Variants in MUC12 observed in about 807,000 individuals in gnomAD.
MUC12 encodes the protein mucin-12.
In MUC12, 172 loss-of-function variants were observed where a neutral mutation model predicts 230.8. The ratio of observed to expected loss-of-function variants is 0.75; its 90% CI spans 0.66 to 0.85. The LOEUF (loss-of-function observed/expected upper bound fraction) is 0.85. Ranked by LOEUF, MUC12 falls within the 40% of genes least tolerant of loss-of-function variation. The pLI, the probability that MUC12 is intolerant of heterozygous loss-of-function variation, is 0.00. For missense variants in MUC12, 3,506 were observed against 5,920.6 expected, an observed-to-expected ratio of 0.59 and a Z score of 13.38; for synonymous variants, 1,259 against 2,401.9, an observed-to-expected ratio of 0.52 and a Z score of 13.91.
intron 10 of MUC12, 86 bp from the exon 11 acceptor site, chr7:101,017,489 C>G (rs1793950097): frequency 1.2e-6 from 1 of 850,724 alleles, no homozygotes; most frequent in African/African-American, 1.7e-5. Context: ...CGGGCTGACT[C>G]TTCCTTTTGC....
At chr7:100,987,097 C>T (rs11772812) in intron 1 of MUC12, among the ~76,000 whole-genome samples, 66,305 of 132,476 alleles carry the variant, frequency 0.5, 16,198 homozygotes, top group East Asian at 0.63. Context: ...GACAGAGTCT[C>T]GCTCTGTCAC....
At chr7:101,007,859 A>G (rs1584845376) in intron 3 of MUC12, among the ~76,000 whole-genome samples, 1 of 149,746 alleles carries the variant, frequency 6.7e-6, no homozygotes, top group East Asian at 2.0e-4. Flanking sequence ...GTGCAGTGGC[A>G]TGATCTCGGC....
At chr7:100,979,325 G>A (rs1793071786) in intron 1 of MUC12, among the ~76,000 whole-genome samples, 1 of 152,062 alleles carries the variant, frequency 6.6e-6, no homozygotes, top group African/African-American at 2.4e-5. Context: ...GGCAATTTTT[G>A]TTAAGCATTT....
At position 100,991,315 on chromosome 7, in the gene MUC12, C is replaced by A. The variant is rs1793293138; in HGVS notation, c.752C>A (p.Pro251His). The change falls in exon 2 of 12, where the codon CCC (proline) becomes CAC (histidine). Residue 251 changes from proline to histidine, a missense_variant. Pro to His is a moderately conservative substitution (Grantham distance 77). Transcript: ENST00000536621. ...TCAGGCCTCCTTGAAGCATCTACGC[C>A]CGTCCACAGCAGCACTGGATCGCCA... ...TTSGLLEASTPVHSSTGSPHT... is the reference protein window; with the variant it reads ...TTSGLLEASTHVHSSTGSPHT... 8 of 1,537,828 alleles carry A rather than the reference C, an allele frequency of 5.2e-6. No individual in the cohort carries two copies. The East Asian group carries it at 2.0e-4, about 38-fold the overall frequency.
chr7:101,015,540 A>C lies in MUC12; in HGVS notation c.15801-75A>C, dbSNP rs183537169. 1,238 of 1,274,792 alleles carry C rather than the reference A, an allele frequency of 9.7e-4. 8 individuals are homozygous for C. In the African/African-American group the frequency reaches 0.016, roughly 17 times the overall value. The allele number at this position is 1,274,792 out of a possible 1,614,324, so 79.0% of individuals were successfully genotyped here. A position where few individuals can be genotyped will look rare whatever the true frequency, so the allele number is the denominator to read the frequency against. On this transcript the variant is annotated intron_variant, in intron 9 of 11. Coordinates refer to ENST00000536621, the MANE Select transcript of MUC12 (RefSeq NM_001164462.2). ...TGGCTGTGACTGTCCCCTCGAGGGA[A>C]GCTGAAGGTCAGGGTCCACCAAGTC...
intron 9 of MUC12, 50 bp from the exon 10 acceptor site, chr7:101,015,565 C>A (rs368464443): frequency 6.0e-6 from 9 of 1,493,320 alleles, no homozygotes; most frequent in Non-Finnish European, 8.1e-6. Context: ...TCCACCAAGT[C>A]CCTCCTCAGC....
chr7:100,969,774 G>A, intron 1 of MUC12, 85 bp downstream of exon 1: 1 of 1,524,390 alleles, frequency 6.6e-7, no homozygotes, highest in Non-Finnish European at 8.8e-7. Flanking sequence ...CAGGGCTGCA[G>A]GTGGCCTCCT....
rs1221236968 is a variant in MUC12 at position 100,969,692 on chromosome 7, G to GTA, written c.67+3_67+4insTA. ...GTCCGTTACTACAGTGACACCAGGT[G>GTA]AGTGCTCCTGGGCTGATGCTCCAGG... On this transcript the variant is annotated splice_donor_region_variant and intron_variant, in intron 1 of 11. Coordinates refer to ENST00000536621, the MANE Select transcript of MUC12 (RefSeq NM_001164462.2). 27 of 1,537,338 alleles carry GTA rather than the reference G, an allele frequency of 1.8e-5. No homozygotes were observed. In the Admixed American group the frequency reaches 4.1e-4, roughly 23 times the overall value.
rs1323593666 is a variant in MUC12, at chr7:100,995,838, C to T, written c.5275C>T (p.Arg1759Cys). The T allele has an allele frequency of 1.2e-5, 17 of 1,456,934 alleles. No homozygotes were observed. The South Asian group carries it at 1.6e-4, about 14-fold the overall frequency. The allele number at this position is 1,456,934 out of a possible 1,614,324, so 90.3% of individuals were successfully genotyped here. A position where few individuals can be genotyped will look rare whatever the true frequency, so the allele number is the denominator to read the frequency against. The change falls in exon 2 of 12, where the codon CGC (arginine) becomes TGC (cysteine). Residue 1759 changes from arginine (R) to cysteine (C), a missense_variant. Arg to Cys is a radical substitution (Grantham distance 180, BLOSUM62 -3). Coordinates refer to ENST00000536621, the MANE Select transcript of MUC12 (RefSeq NM_001164462.2). The stretch of plus-strand genomic sequence containing the variant: ...AACTGCAACAACACCCTCGCCTGCC[C>T]GCTCCACAACCTCAGGCCTCGTTGA... ...VATATTPSPA[R>C]STTSGLVEES...
rs771130497 is a variant in MUC12, at chr7:101,013,143, G to A, written c.15638+1G>A. The A allele has an allele frequency of 1.3e-6, 2 of 1,537,244 alleles. No homozygotes were observed. Among genetic ancestry groups the A allele is most frequent in the South Asian group, 1.2e-5 (1 of 84,060 alleles). The stretch of plus-strand genomic sequence containing the variant: ...TGCAACGCAGTGGCCCCCGCTGCCT[G>A]TGAGTGTCCCCATAAGCCCAGCACC... On this transcript the variant is annotated splice_donor_variant, in intron 8 of 11. Transcript: ENST00000536621. LOFTEE classifies it high-confidence loss of function.
chr7:100,993,574 C>G lies in MUC12; in HGVS notation c.3011C>G (p.Thr1004Arg). 1.1e-6 allele frequency: 1 copy of G among 914,594 alleles called. No individual in the cohort carries two copies. Among genetic ancestry groups the G allele is most frequent in the Non-Finnish European group, 1.5e-6 (1 of 668,090 alleles). 56.7% of individuals were successfully genotyped at this position (914,594 alleles called of 1,614,324 possible). A position where few individuals can be genotyped will look rare whatever the true frequency, so the allele number is the denominator to read the frequency against. The change falls in exon 2 of 12, where the codon ACG (threonine) becomes AGG (arginine). Residue 1004 changes from threonine to arginine, a missense_variant. Thr to Arg is a moderately conservative substitution (Grantham distance 71, BLOSUM62 -1). Coordinates refer to ENST00000536621, the MANE Select transcript of MUC12 (RefSeq NM_001164462.2). ...ACCCACCCAGCCTCAACTCACACAA[C>G]GCCTTCACCTCCTAGCACCGCAACA... Reference protein sequence around the residue: ...FQTHPASTHTTPSPPSTATAP... With the variant: ...FQTHPASTHTRPSPPSTATAP...
rs1200497367 is a variant in MUC12 at position 100,990,857 on chromosome 7, C to T, written c.294C>T (p.Ser98=). The change falls in exon 2 of 12, where the codon TCC becomes TCT. Residue 98 remains serine, a synonymous_variant. Coordinates refer to ENST00000536621, the MANE Select transcript of MUC12 (RefSeq NM_001164462.2). The part of the protein sequence containing the change: ...PGATGTTLFP[S]HSATSVFVGE... ...CAACTGGAACAACACTCTTCCCTTCCCACTCTGCAACCTCAGTTTTTGTTG... is the reference window on the plus strand; with the variant it reads ...CAACTGGAACAACACTCTTCCCTTCTCACTCTGCAACCTCAGTTTTTGTTG... 2.6e-6 allele frequency: 4 copies of T among 1,537,830 alleles called. No homozygotes were observed. In the East Asian group the frequency reaches 9.8e-5, roughly 38 times the overall value.
chr7:100,974,201 A>G (rs1040373747), intron 1 of MUC12, among the ~76,000 whole-genome samples: 3 of 152,242 alleles, frequency 2.0e-5, no homozygotes, highest in African/African-American at 7.2e-5. Flanking sequence ...GACCCAGACT[A>G]TAATGTCTGT....
Position 101,004,782 on chromosome 7 carries a change from T to A in MUC12, c.14219T>A (p.Ile4740Asn), listed in dbSNP as rs1475995944. The A allele has an allele frequency of 6.5e-7, 1 of 1,537,474 alleles. No individual in the cohort carries two copies. The highest frequency in any genetic ancestry group is 8.7e-7 in the Non-Finnish European group (1 of 1,146,988). Residue 4740 changes from isoleucine to asparagine, a missense_variant, in exon 2 of 12, where the codon ATC becomes AAC. Physicochemically the swap from Ile to Asn is moderately radical, Grantham distance 149. Coordinates refer to ENST00000536621, the MANE Select transcript of MUC12 (RefSeq NM_001164462.2). ...TTPGLSAKST[I>N]LYSSSRSPDQ... ...CCAGGCCTCAGTGCAAAATCTACCA[T>A]CCTTTACAGTAGCTCCAGATCACCA...
Position 101,004,941 on chromosome 7 carries a change from A to C in MUC12, c.14378A>C (p.Glu4793Ala), listed in dbSNP as rs545532995. 6.5e-7 allele frequency: 1 copy of C among 1,537,854 alleles called. No homozygotes were observed. The highest frequency in any genetic ancestry group is 8.7e-7 in the Non-Finnish European group (1 of 1,147,050). The change falls in exon 2 of 12, where the codon GAA becomes GCA. Residue 4793 changes from glutamate (E) to alanine (A), a missense_variant. By Grantham distance (107) the Glu-to-Ala change is moderately radical. Transcript: ENST00000536621. ...ACCACCACCTCAGGCCTCAGTCAGG[A>C]ATCAACAACTTTCCACAGTAAGCCA... is the stretch of plus-strand genomic sequence containing the variant. Reference protein sequence around the residue: ...ASTTTSGLSQESTTFHSKPGS... With the variant: ...ASTTTSGLSQASTTFHSKPGS...
Position 100,995,748 on chromosome 7 carries a change from T to A in MUC12, c.5185T>A (p.Ser1729Thr). ...SPSSTPTTHF[S>T]ASSTTLGRSE... ...GAGCTCAACTCCAACAACCCACTTT[T>A]CTGCCAGCTCCACAACCTTGGGCCG... The change falls in exon 2 of 12, where the codon TCT becomes ACT. Residue 1729 changes from serine to threonine, a missense_variant. Physicochemically the swap from Ser to Thr is moderately conservative, Grantham distance 58. Transcript: ENST00000536621. 2 of 1,532,286 alleles carry A rather than the reference T, an allele frequency of 1.3e-6. No homozygotes were observed. The highest frequency in any genetic ancestry group is 1.7e-6 in the Non-Finnish European group (2 of 1,145,680). The allele number at this position is 1,532,286 out of a possible 1,614,324, so 94.9% of individuals were successfully genotyped here.
At chr7:101,008,234 C>A (rs1793785248) in intron 3 of MUC12, among the ~76,000 whole-genome samples, 1 of 152,142 alleles carries the variant, frequency 6.6e-6, no homozygotes, top group Admixed American at 6.5e-5. Context: ...TCAAGTTATC[C>A]TCTGGCCTCA....
intron 5 of MUC12, among the ~76,000 whole-genome samples, chr7:101,011,467 C>T (rs1346442321): frequency 1.3e-5 from 2 of 152,104 alleles, no homozygotes; most frequent in Admixed American, 1.3e-4. Context: ...TGCTCTGTTG[C>T]CTGAAGTGCA....
rs1210949507 is a variant in MUC12, at chr7:101,013,963, A to G, written c.15689A>G (p.Asn5230Ser). Residue 5230 changes from asparagine (N) to serine (S), a missense_variant, in exon 9 of 12, where the codon AAC (asparagine) becomes AGC (serine). Asn to Ser is a conservative substitution (Grantham distance 46). Transcript: ENST00000536621. The part of the protein sequence containing the change: ...HWYWGETCEF[N>S]IAKSLVYGIV... ...TACTGGGGAGAGACCTGTGAATTCA[A>G]CATCGCCAAGAGCCTCGTGTATGGG... 1 of 1,536,986 alleles carries G rather than the reference A, an allele frequency of 6.5e-7. No homozygotes were observed. The highest frequency in any genetic ancestry group is 8.7e-7 in the Non-Finnish European group (1 of 1,146,844).
Sources: allele counts gnomAD v4.1 joint callset (sites outside exome capture counted in the v4.1 genomes callset), GRCh38; gene constraint gnomAD v4.1.1; transcripts MANE v1.5; gene names NCBI Gene and HGNC (gene_info 2026-07-23, HGNC 2026-07-21).